The following ANAPC10 variants were observed in gnomAD, a reference collection of about 807,000 sequenced individuals.
The protein encoded by ANAPC10 is anaphase-promoting complex subunit 10.
ANAPC10 carries 12 observed loss-of-function variants against 22.0 expected under a neutral mutation model. The ratio of observed to expected loss-of-function variants is 0.55; its 90% CI spans 0.35 to 0.88. The LOEUF is 0.88. ANAPC10 is among the 40% of genes least tolerant of loss of function. The probability of loss-of-function intolerance (pLI) is 0.01; values close to 1 mark genes in which losing one functional copy is unlikely to be tolerated. For synonymous variants in ANAPC10, 65 were observed against 69.5 expected, an observed-to-expected ratio of 0.94 and a Z score of 0.32; for missense variants, 188 against 220.9, an observed-to-expected ratio of 0.85 and a Z score of 0.94.
At chr4:145,095,110 TA>T (rs988384584) in intron 2 of ANAPC10, among the ~76,000 whole-genome samples, 23 of 151,586 alleles carry the variant, frequency 1.5e-4, no homozygotes, top group African/African-American at 3.1e-4. Flanking sequence ...AGATATATGA[TA>T]AAAAAAAATT....
intron 4 of ANAPC10, among the ~76,000 whole-genome samples, chr4:145,038,168 T>C (rs1342904065): frequency 6.6e-6 from 1 of 151,926 alleles, no homozygotes; most frequent in Non-Finnish European, 1.5e-5. Context: ...ACCCTATCTC[T>C]ACAAAATAAA....
intron 4 of ANAPC10, among the ~76,000 whole-genome samples, chr4:145,010,319 C>T (rs1368166458): frequency 6.6e-6 from 1 of 152,154 alleles, no homozygotes; most frequent in East Asian, 1.9e-4. Flanking sequence ...CATCCCATTA[C>T]TGGGTATATA....
chr4:145,078,067 A>G (rs1745439282), intron 3 of ANAPC10, among the ~76,000 whole-genome samples: 1 of 152,200 alleles, frequency 6.6e-6, no homozygotes, highest in Non-Finnish European at 1.5e-5. Flanking sequence ...AAATAGGAAG[A>G]GAGGAAGTCA....
intron 4 of ANAPC10, among the ~76,000 whole-genome samples, chr4:145,001,511 A>T (rs1050227291): frequency 2.6e-5 from 4 of 152,152 alleles, no homozygotes; most frequent in Admixed American, 6.6e-5. Context: ...AGTTTTACAA[A>T]ATGAAGAGTT....
chr4:145,025,674 G>A (rs1011234374), intron 4 of ANAPC10, among the ~76,000 whole-genome samples: 24 of 152,128 alleles, frequency 1.6e-4, no homozygotes, highest in African/African-American at 5.6e-4. Flanking sequence ...GAAAAAGTTT[G>A]AAGTTTGAAA....
At chr4:145,087,642 C>G (rs1402028857) in intron 2 of ANAPC10, among the ~76,000 whole-genome samples, 1 of 152,116 alleles carries the variant, frequency 6.6e-6, no homozygotes, top group African/African-American at 2.4e-5. Flanking sequence ...TTCAAATGTT[C>G]AATAGTTTCA....
At chr4:145,001,231 G>GGAGGGAGA (rs1732511911) in intron 4 of ANAPC10, among the ~76,000 whole-genome samples, 1 of 134,598 alleles carries the variant, frequency 7.4e-6, no homozygotes, top group African/African-American at 2.8e-5. Context: ...AGGGAGGGAA[G>GGAGGGAGA]GAGGGAGTGA....
intron 1 of ANAPC10, chr4:145,097,521 C>A: frequency 7.8e-7 from 1 of 1,287,214 alleles, no homozygotes; most frequent in Non-Finnish European, 1.0e-6. Flanking sequence ...CCCATTGTAT[C>A]CGAAGTTGTT....
chr4:145,008,274 C>T (rs1381816022), intron 4 of ANAPC10, among the ~76,000 whole-genome samples: 1 of 152,144 alleles, frequency 6.6e-6, no homozygotes, highest in Non-Finnish European at 1.5e-5. Context: ...GGAGCTGGTA[C>T]CATTCCTTCT....
At chr4:145,057,730 CT>C (rs1160605049) in intron 4 of ANAPC10, among the ~76,000 whole-genome samples, 8 of 152,142 alleles carry the variant, frequency 5.3e-5, no homozygotes, top group Non-Finnish European at 8.8e-5. Context: ...CTCTCTGCCC[CT>C]CCCCCTCAGA....
intron 4 of ANAPC10, among the ~76,000 whole-genome samples, chr4:145,040,194 G>A (rs184234059): frequency 2.0e-4 from 31 of 151,602 alleles, no homozygotes; most frequent in African/African-American, 5.6e-4. Context: ...CTTGATGCCC[G>A]GGCTGGAGTA....
chr4:145,035,656 T>C (rs192892504), intron 4 of ANAPC10, among the ~76,000 whole-genome samples: 1 of 152,346 alleles, frequency 6.6e-6, no homozygotes, highest in East Asian at 1.9e-4. Context: ...CCAGTTCATC[T>C]TCATGGGTTC....
At chr4:145,087,805 G>C (rs1747113306) in intron 2 of ANAPC10, among the ~76,000 whole-genome samples, 1 of 152,164 alleles carries the variant, frequency 6.6e-6, no homozygotes, top group Non-Finnish European at 1.5e-5. Flanking sequence ...CCAGCATTTT[G>C]GGAGGCTGAG....
intron 4 of ANAPC10, among the ~76,000 whole-genome samples, chr4:145,012,195 T>TATATAC (rs891496922): frequency 4.8e-5 from 7 of 147,142 alleles, no homozygotes; most frequent in African/African-American, 9.9e-5. Context: ...TATATATATA[T>TATATAC]ACACACACAC....
At chr4:145,071,177 A>G (rs1744435207) in intron 3 of ANAPC10, among the ~76,000 whole-genome samples, 1 of 152,146 alleles carries the variant, frequency 6.6e-6, no homozygotes, top group Non-Finnish European at 1.5e-5. Context: ...GAGGCTGAGG[A>G]GGGCAGAGCA....
rs1456241394 is a variant in ANAPC10 at position 145,034,559 on chromosome 4, G to A, written c.327+30013C>T. Among the ~76,000 whole-genome samples the A allele has an allele frequency of 8.0e-5, 10 of 125,210 alleles. No individual in the cohort carries two copies. The South Asian group carries it at 1.2e-3, about 16-fold the overall frequency. 82.1% of individuals were successfully genotyped at this position (125,210 alleles called of 152,430 possible). A position where few individuals can be genotyped will look rare whatever the true frequency, so the allele number is the denominator to read the frequency against. Reference sequence around the variant, plus strand: ...TATATATATATGTGTGTGTGTGTGTGTGTGTGTGTGTGTGTGTATATATCC... The same window carrying A: ...TATATATATATGTGTGTGTGTGTGTATGTGTGTGTGTGTGTGTATATATCC... On this transcript the variant is annotated intron_variant, in intron 4 of 4. Coordinates refer to ENST00000507656, the MANE Select transcript of ANAPC10 (RefSeq NM_001256706.2).
chr4:145,066,919 C>A (rs1743782914), intron 3 of ANAPC10, among the ~76,000 whole-genome samples: 1 of 152,152 alleles, frequency 6.6e-6, no homozygotes, highest in South Asian at 2.1e-4. Flanking sequence ...GTGCTTAGCT[C>A]ATTCAATAGT....
intron 2 of ANAPC10, among the ~76,000 whole-genome samples, chr4:145,084,495 C>G (rs1347093606): frequency 6.6e-6 from 1 of 152,098 alleles, no homozygotes; most frequent in African/African-American, 2.4e-5. Context: ...GGTGTCTAAT[C>G]TTTTGGCTTC....
At chr4:145,048,781 T>TTGGA (rs1579031556) in intron 4 of ANAPC10, among the ~76,000 whole-genome samples, 1 of 152,224 alleles carries the variant, frequency 6.6e-6, no homozygotes, top group East Asian at 1.9e-4. Flanking sequence ...ATTGGAGGAA[T>TTGGA]AGTCCAAAGA....
Sources: allele counts gnomAD v4.1 joint callset (sites outside exome capture counted in the v4.1 genomes callset), GRCh38; gene constraint gnomAD v4.1.1; transcripts MANE v1.5; gene names NCBI Gene and HGNC (gene_info 2026-07-23, HGNC 2026-07-21).